Variants in KPNA2 observed in about 807,000 individuals in gnomAD.
The protein encoded by KPNA2 is importin subunit alpha-1.
In KPNA2, 20 loss-of-function variants were observed where a neutral mutation model predicts 53.7. That is an observed-to-expected ratio of 0.37 (90% confidence interval 0.26 to 0.54). KPNA2 has a LOEUF of 0.54. KPNA2 is among the 20% of genes least tolerant of loss of function. The probability of loss-of-function intolerance (pLI) is 0.83; values close to 1 mark genes in which losing one functional copy is unlikely to be tolerated. For synonymous variants in KPNA2, 238 were observed against 227.5 expected (o/e 1.05, Z -0.42); for missense variants, 515 against 640.3 (o/e 0.80, Z 2.11).
chr17:68,046,496 A>G lies in KPNA2; in HGVS notation c.1498-8A>G, dbSNP rs781857604. ...CATTTTTATACTTATTTTTTAATAT[A>G]TTTCCAGGAAGAGGAAGATCAAAAC... On this transcript the variant is annotated splice_polypyrimidine_tract_variant and splice_region_variant and intron_variant, in intron 10 of 10. Transcript: ENST00000330459. The G allele has an allele frequency of 3.8e-6, 6 of 1,561,306 alleles. No individual in the cohort carries two copies. The Admixed American group carries it at 1.0e-4, about 27-fold the overall frequency.
intron 3 of KPNA2, 30 bp from the exon 4 acceptor site, chr17:68,040,642 TTAATGA>T (rs781988969): frequency 2.2e-6 from 3 of 1,368,218 alleles, no homozygotes; most frequent in East Asian, 2.3e-5. Context: ...GTATTTAATC[TTAATGA>T]TAATGTGCAA....
At chr17:68,045,163 TG>T (rs1555705244) in intron 9 of KPNA2, among the ~76,000 whole-genome samples, 1 of 152,184 alleles carries the variant, frequency 6.6e-6, no homozygotes, top group East Asian at 1.9e-4. Context: ...ATAAATAATT[TG>T]TCAGTATGTG....
At chr17:68,038,325 C>T (rs554906801) in intron 3 of KPNA2, among the ~76,000 whole-genome samples, 3 of 152,262 alleles carry the variant, frequency 2.0e-5, no homozygotes, top group East Asian at 1.9e-4. Context: ...CCAGGCTAGT[C>T]TTGAACTCAT....
In KPNA2 at chr17:68,037,205, A is replaced by C; in HGVS notation, c.73A>C (p.Thr25Pro). Reference protein sequence around the residue: ...HRFKNKGKDSTEMRRRRIEVN... With the variant: ...HRFKNKGKDSPEMRRRRIEVN... ...ATTCAAGAACAAGGGAAAAGACAGT[A>C]CAGTGAGTACCTTCTGTTGCTTTCC... The change falls in exon 2 of 11, where the codon ACA (threonine) becomes CCA (proline). Residue 25 changes from threonine (T) to proline (P), a missense_variant and splice_region_variant. Thr to Pro is a conservative substitution (Grantham distance 38). Transcript: ENST00000330459. 6.2e-7 allele frequency: 1 copy of C among 1,610,598 alleles called. No individual in the cohort carries two copies. The highest frequency in any genetic ancestry group is 8.5e-7 in the Non-Finnish European group (1 of 1,178,034).
chr17:68,041,009 T>G (rs143838041), intron 4 of KPNA2, among the ~76,000 whole-genome samples: 6 of 152,354 alleles, frequency 3.9e-5, no homozygotes, highest in African/African-American at 1.2e-4. Context: ...CCTGAAGTGC[T>G]GGGATCACAG....
rs782394224 is a variant in KPNA2, at chr17:68,045,931, G to T, written c.1497+10G>T. ...GTATTTCTCTGTAGAGGTGAGTAAT[G>T]GATGGTAATATTAATAACAACTTGG... On this transcript the variant is annotated intron_variant, in intron 10 of 10. Coordinates refer to ENST00000330459, the MANE Select transcript of KPNA2 (RefSeq NM_002266.4). 3 of 1,508,380 alleles carry T rather than the reference G, an allele frequency of 2.0e-6. No individual in the cohort carries two copies. In the East Asian group the frequency reaches 6.9e-5, roughly 35 times the overall value. The allele number at this position is 1,508,380 out of a possible 1,614,324, so 93.4% of individuals were successfully genotyped here.
chr17:68,036,595 C>T (rs1181832824), intron 1 of KPNA2: 1 of 152,868 alleles, frequency 6.5e-6, no homozygotes, highest in African/African-American at 2.4e-5. Flanking sequence ...CTTGAATTAA[C>T]TATTAGGGAC....
rs782200175 is a variant in KPNA2, at chr17:68,042,893, C to CT, written c.572-4dup. 93 of 1,542,946 alleles carry CT rather than the reference C, an allele frequency of 6.0e-5. No individual in the cohort carries two copies. The highest frequency in any genetic ancestry group is 1.4e-4 in the African/African-American group (10 of 71,900). On this transcript the variant is annotated splice_polypyrimidine_tract_variant and intron_variant, in intron 5 of 10. Coordinates refer to ENST00000330459, the MANE Select transcript of KPNA2 (RefSeq NM_002266.4). ...AAAAAAAAAAAAAAATTAATCTTGC[C>CT]TTTTTTTTCAGGTGATGGCTCAGTG...
chr17:68,040,004 C>T (rs534534213), intron 3 of KPNA2, among the ~76,000 whole-genome samples: 3 of 151,878 alleles, frequency 2.0e-5, no homozygotes, highest in African/African-American at 7.2e-5. Flanking sequence ...CGCTTGAACC[C>T]AGGAGGCGGA....
Position 68,043,007 on chromosome 17 carries a change from A to G in KPNA2, c.666+8A>G. 3 of 1,611,266 alleles carry G rather than the reference A, an allele frequency of 1.9e-6. No homozygotes were observed. Among genetic ancestry groups the G allele is most frequent in the Non-Finnish European group, 2.5e-6 (3 of 1,177,624 alleles). On this transcript the variant is annotated splice_region_variant and intron_variant, in intron 6 of 10. Coordinates refer to ENST00000330459, the MANE Select transcript of KPNA2 (RefSeq NM_002266.4). ...GATATGTCATCTTTAGCAGTAAGTT[A>G]CTAACATGAGTAAAGTTACTCACTT...
intron 9 of KPNA2, 112 bp downstream of exon 9, chr17:68,044,615 CAGAA>C (rs2064791539): frequency 8.6e-6 from 7 of 810,080 alleles, no homozygotes; most frequent in South Asian, 6.7e-5. Flanking sequence ...GCCACAGAAT[CAGAA>C]AGCCTGTTTA....
At chr17:68,038,563 A>C (rs2071217675) in intron 3 of KPNA2, among the ~76,000 whole-genome samples, 1 of 152,134 alleles carries the variant, frequency 6.6e-6, no homozygotes, top group African/African-American at 2.4e-5. Context: ...TTTTTCCTGA[A>C]GTACTGCTTT....
At position 68,042,343 on chromosome 17, in the gene KPNA2, A is replaced by C; in HGVS notation, c.561A>C (p.Gly187=). 6.2e-7 allele frequency: 1 copy of C among 1,613,980 alleles called. No homozygotes were observed. ...HISEQAVWAL[G]NIAGDGSVFR... is the part of the protein sequence containing the mutation. ...GTGAACAAGCTGTCTGGGCTCTAGG[A>C]AACATTGCAGGTACTTGGACTTGAA... Residue 187 remains glycine, a synonymous_variant, in exon 5 of 11, where the codon GGA becomes GGC. Coordinates refer to ENST00000330459, the MANE Select transcript of KPNA2 (RefSeq NM_002266.4).
In KPNA2 at chr17:68,040,696, G is replaced by A. The variant is rs782692582; in HGVS notation, c.232G>A (p.Val78Ile). Reference protein sequence around the residue: ...RNNQGTVNWSVDDIVKGINSS... With the variant: ...RNNQGTVNWSIDDIVKGINSS... ...CTTCTAGGGCACTGTAAATTGGTCTGTTGATGACATTGTCAAAGGCATAAA... is the reference window on the plus strand; with the variant it reads ...CTTCTAGGGCACTGTAAATTGGTCTATTGATGACATTGTCAAAGGCATAAA... Residue 78 changes from valine (V) to isoleucine (I), a missense_variant, in exon 4 of 11, where the codon GTT becomes ATT. Transcript: ENST00000330459. 1 of 1,612,728 alleles carries A rather than the reference G, an allele frequency of 6.2e-7. No individual in the cohort carries two copies. The highest frequency in any genetic ancestry group is 8.5e-7 in the Non-Finnish European group (1 of 1,178,882).
chr17:68,045,884 C>G lies in KPNA2; in HGVS notation c.1460C>G (p.Ala487Gly). 6.3e-7 allele frequency: 1 copy of G among 1,595,130 alleles called. No individual in the cohort carries two copies. The highest frequency in any genetic ancestry group is 8.5e-7 in the Non-Finnish European group (1 of 1,170,044). ...QNHENESVYK[A>G]SLSLIEKYFS... ...CATGAAAATGAGTCTGTGTATAAGGCTTCGTTAAGCTTAATTGAGAAGTAT... is the reference window on the plus strand; with the variant it reads ...CATGAAAATGAGTCTGTGTATAAGGGTTCGTTAAGCTTAATTGAGAAGTAT... The change falls in exon 10 of 11, where the codon GCT becomes GGT. Residue 487 changes from alanine (A) to glycine (G), a missense_variant. By Grantham distance (60) the Ala-to-Gly change is moderately conservative (BLOSUM62 0). Coordinates refer to ENST00000330459, the MANE Select transcript of KPNA2 (RefSeq NM_002266.4).
At chr17:68,045,667 G>A in intron 9 of KPNA2, 105 bp from the exon 10 acceptor site, 1 of 813,362 alleles carries the variant, frequency 1.2e-6, no homozygotes, top group Non-Finnish European at 1.9e-6. Flanking sequence ...GAATTGTTAG[G>A]TGCTTATTTC....
intron 9 of KPNA2, among the ~76,000 whole-genome samples, chr17:68,045,090 TA>T (rs554471695): frequency 0.014 from 1,764 of 130,356 alleles, 18 homozygotes; most frequent in African/African-American, 0.019. Context: ...GAAACTGTCT[TA>T]AAAAAAAAAA....
rs781932699 is a variant in KPNA2 at position 68,044,436 on chromosome 17, A to C, written c.1280A>C (p.Asn427Thr). The change falls in exon 9 of 11, where the codon AAC (asparagine) becomes ACC (threonine). Residue 427 changes from asparagine to threonine, a missense_variant. Transcript: ENST00000330459. ...VHCGIIEPLM[N>T]LLTAKDTKII... ...TGTGGCATAATAGAACCGTTGATGA[A>C]CCTCTTAACTGCAAAAGATACCAAG... 1 of 1,614,050 alleles carries C rather than the reference A, an allele frequency of 6.2e-7. No individual in the cohort carries two copies. The highest frequency in any genetic ancestry group is 8.5e-7 in the Non-Finnish European group (1 of 1,179,944).
At chr17:68,046,371 A>AATATT (rs553617268) in intron 10 of KPNA2, 133 bp from the exon 11 acceptor site, 7 of 566,318 alleles carry the variant, frequency 1.2e-5, no homozygotes, top group Non-Finnish European at 2.2e-5. Context: ...CTCTATGTCA[A>AATATT]ATACTATAAT....
Sources: allele counts gnomAD v4.1 joint callset (sites outside exome capture counted in the v4.1 genomes callset), GRCh38; gene constraint gnomAD v4.1.1; transcripts MANE v1.5; gene names NCBI Gene and HGNC (gene_info 2026-07-23, HGNC 2026-07-21).